The following SLC39A7 variants were observed in gnomAD, a reference collection of about 807,000 sequenced individuals.
The protein encoded by SLC39A7 is zinc transporter SLC39A7.
A neutral mutation model predicts 39.7 loss-of-function variants in SLC39A7; 25 were observed. The ratio of observed to expected loss-of-function variants is 0.63; its 90% CI spans 0.46 to 0.88. The LOEUF (loss-of-function observed/expected upper bound fraction) is 0.88, where lower values mean the gene tolerates loss of function less well. SLC39A7 is among the 40% of genes least tolerant of loss of function. The pLI, the probability that SLC39A7 is intolerant of heterozygous loss-of-function variation, is 0.00. For synonymous variants in SLC39A7, 181 were observed against 234.1 expected (o/e 0.77, Z 2.07); for missense variants, 501 against 592.1 (o/e 0.85, Z 1.60).
Position 33,202,100 on chromosome 6 carries a change from A to T in SLC39A7, c.609A>T (p.Gln203His). 2 of 1,612,826 alleles carry T rather than the reference A, an allele frequency of 1.2e-6. No individual in the cohort carries two copies. Among genetic ancestry groups the T allele is most frequent in the Non-Finnish European group, 1.7e-6 (2 of 1,179,976 alleles). The change falls in exon 3 of 7, where the codon CAA becomes CAT. Residue 203 changes from glutamine to histidine, a missense_variant. Gln to His is a conservative substitution (Grantham distance 24). Coordinates refer to ENST00000374677, the MANE Select transcript of SLC39A7 (RefSeq NM_006979.3). ...LEPHSHHTLE[Q>H]PGHGHSHSGQ... ...CTCATTCTCACCACACTCTGGAGCA[A>T]CCCGGACATGGACACTCCCACAGTG...
Position 33,202,407 on chromosome 6 carries a change from G to A in SLC39A7, c.779G>A (p.Ser260Asn). Residue 260 changes from serine (S) to asparagine (N), a missense_variant, in exon 4 of 7, where the codon AGT (serine) becomes AAT (asparagine). Coordinates refer to ENST00000374677, the MANE Select transcript of SLC39A7 (RefSeq NM_006979.3). ...CACGCTCACAGTCATACACGTGGAA[G>A]TCATGGACATGGAAGACAAGGTGAG... ...HGHAHSHTRG[S>N]HGHGRQERST... 1.2e-6 allele frequency: 2 copies of A among 1,612,820 alleles called. No individual in the cohort carries two copies. Among genetic ancestry groups the A allele is most frequent in the Non-Finnish European group, 1.7e-6 (2 of 1,179,906 alleles).
intron 5 of SLC39A7, 79 bp from the exon 6 acceptor site, chr6:33,202,831 G>A: frequency 1.3e-6 from 2 of 1,562,910 alleles, no homozygotes; most frequent in East Asian, 2.2e-5. Context: ...TCTGAGGGGA[G>A]GTGTGAGAAT....
In SLC39A7 at chr6:33,201,467, A is replaced by G. The variant is rs1487213798; in HGVS notation, c.222A>G (p.Gly74=). Residue 74 remains glycine, a synonymous_variant, in exon 1 of 7, where the codon GGA becomes GGG. Coordinates refer to ENST00000374677, the MANE Select transcript of SLC39A7 (RefSeq NM_006979.3). The surrounding 1 kb of genome is among the most constrained non-coding windows in gnomAD (Gnocchi z 5.9). ...ACACTCACGAGAGCATCTGGCATGG[A>G]CATACCCACGATCACGACCATGGAC... ...HGHTHESIWH[G]HTHDHDHGHS... 3.1e-6 allele frequency: 5 copies of G among 1,614,094 alleles called. No homozygotes were observed. In the South Asian group the frequency reaches 4.4e-5, roughly 14 times the overall value.
chr6:33,204,031 T>C lies in SLC39A7; in HGVS notation c.*218T>C, dbSNP rs904746834. ...AGAGGGACCATAGTGTTGGGCACTG[T>C]CTGACCATGTTGCATTTGGAAGGCT... On this transcript the variant is annotated 3_prime_UTR_variant, in exon 7 of 7. Coordinates refer to ENST00000374677, the MANE Select transcript of SLC39A7 (RefSeq NM_006979.3). The C allele has an allele frequency of 1.7e-6, 1 of 604,690 alleles. No individual in the cohort carries two copies. Among genetic ancestry groups the C allele is most frequent in the African/African-American group, 1.9e-5 (1 of 53,948 alleles). The allele number at this position is 604,690 out of a possible 1,614,324, so 37.5% of individuals were successfully genotyped here.
In SLC39A7 at chr6:33,200,900, C is replaced by T. The variant is rs762034100; in HGVS notation, c.-346C>T. 18 of 1,280,712 alleles carry T rather than the reference C, an allele frequency of 1.4e-5. No individual in the cohort carries two copies. The highest frequency in any genetic ancestry group is 1.1e-4 in the South Asian group (9 of 78,334). 79.3% of individuals were successfully genotyped at this position (1,280,712 alleles called of 1,614,324 possible). A position where few individuals can be genotyped will look rare whatever the true frequency, so the allele number is the denominator to read the frequency against. On this transcript the variant is annotated 5_prime_UTR_variant, in exon 1 of 7. The change creates a new upstream start codon in the 5' untranslated region. Coordinates refer to ENST00000374677, the MANE Select transcript of SLC39A7 (RefSeq NM_006979.3). This position sits in a 1 kb window ranked among gnomAD's most constrained non-coding sequence, Gnocchi z 6.3. ...GCGGGATCTAAAGGCGGGACTGCCA[C>T]GTCCAAGCAAACCGGGAAAGGAGAG... is the stretch of plus-strand genomic sequence containing the variant.
intron 4 of SLC39A7, 23 bp from the exon 5 acceptor site, chr6:33,202,537 G>A: frequency 6.3e-7 from 1 of 1,593,764 alleles, no homozygotes; most frequent in Non-Finnish European, 8.5e-7. Flanking sequence ...TCTCCACTCT[G>A]ACCAACTCTT....
intron 6 of SLC39A7, 56 bp downstream of exon 6, chr6:33,203,162 C>A: frequency 2.1e-6 from 3 of 1,424,248 alleles, no homozygotes; most frequent in Non-Finnish European, 2.9e-6. Flanking sequence ...TCCTCACTCA[C>A]CCTAAACCCA....
chr6:33,204,318 A>C lies in SLC39A7; in HGVS notation c.*505A>C. 1 of 515,672 alleles carries C rather than the reference A, an allele frequency of 1.9e-6. No homozygotes were observed. The allele number at this position is 515,672 out of a possible 1,614,324, so 31.9% of individuals were successfully genotyped here. On this transcript the variant is annotated 3_prime_UTR_variant, in exon 7 of 7. Transcript: ENST00000374677. ...AGTGATTGGGGGGATGGGGTGGGAG[A>C]GGGTTAGTTGGTATTCTCATGGCCT...
Position 33,202,069 on chromosome 6 carries a change from C to G in SLC39A7, c.581-3C>G. On this transcript the variant is annotated splice_polypyrimidine_tract_variant and splice_region_variant and intron_variant, in intron 2 of 6. Coordinates refer to ENST00000374677, the MANE Select transcript of SLC39A7 (RefSeq NM_006979.3). The stretch of plus-strand genomic sequence containing the variant: ...CTCATCTGGTTTTCCCCCCTTCTTC[C>G]AGAACCTCATTCTCACCACACTCTG... 6.2e-7 allele frequency: 1 copy of G among 1,612,914 alleles called. No individual in the cohort carries two copies.
chr6:33,201,852 C>T lies in SLC39A7; in HGVS notation c.519C>T (p.Leu173=). The T allele has an allele frequency of 6.2e-7, 1 of 1,613,068 alleles. No individual in the cohort carries two copies. The highest frequency in any genetic ancestry group is 8.5e-7 in the Non-Finnish European group (1 of 1,179,976). The part of the protein sequence containing the change: ...PRHRSLLQIL[L]SFASGGLLGD... ...ATCGCTCTCTACTTCAGATCTTGCTCAGTTTTGCTTCCGGTGGGCTCCTGG... is the reference window on the plus strand; with the variant it reads ...ATCGCTCTCTACTTCAGATCTTGCTTAGTTTTGCTTCCGGTGGGCTCCTGG... The change falls in exon 2 of 7, where the codon CTC becomes CTT. Residue 173 remains leucine (L), a synonymous_variant. Coordinates refer to ENST00000374677, the MANE Select transcript of SLC39A7 (RefSeq NM_006979.3). This position sits in a 1 kb window ranked among gnomAD's most constrained non-coding sequence, Gnocchi z 5.9.
Position 33,201,334 on chromosome 6 carries a change from G to T in SLC39A7, c.89G>T (p.Gly30Val). ...TLGLLVAGLG[G>V]HDDLHDDLQE... ...GGGCTTCTGGTGGCTGGACTCGGGG[G>T]TCATGACGACCTGCACGACGATCTG... Residue 30 changes from glycine to valine, a missense_variant, in exon 1 of 7, where the codon GGT becomes GTT. Transcript: ENST00000374677. The surrounding 1 kb of genome is among the most constrained non-coding windows in gnomAD (Gnocchi z 5.9). The T allele has an allele frequency of 1.2e-6, 2 of 1,614,142 alleles. No individual in the cohort carries two copies. The highest frequency in any genetic ancestry group is 8.5e-7 in the Non-Finnish European group (1 of 1,180,018).
Position 33,204,373 on chromosome 6 carries a change from C to A in SLC39A7, c.*560C>A, listed in dbSNP as rs1270427397. 1 of 585,008 alleles carries A rather than the reference C, an allele frequency of 1.7e-6. No individual in the cohort carries two copies. The highest frequency in any genetic ancestry group is 3.1e-6 in the Non-Finnish European group (1 of 327,154). 36.2% of individuals were successfully genotyped at this position (585,008 alleles called of 1,614,324 possible). A position where few individuals can be genotyped will look rare whatever the true frequency, so the allele number is the denominator to read the frequency against. On this transcript the variant is annotated 3_prime_UTR_variant, in exon 7 of 7. Coordinates refer to ENST00000374677, the MANE Select transcript of SLC39A7 (RefSeq NM_006979.3). ...TTTTTTGTTTCTATTCCTTTTATAT[C>A]ACTGTGTTTGAATCGAGGGGGAGGG... is the stretch of plus-strand genomic sequence containing the variant.
chr6:33,201,477 G>C lies in SLC39A7; in HGVS notation c.232G>C (p.Asp78His). The C allele has an allele frequency of 6.2e-7, 1 of 1,614,112 alleles. No individual in the cohort carries two copies. The highest frequency in any genetic ancestry group is 8.5e-7 in the Non-Finnish European group (1 of 1,180,000). The change falls in exon 1 of 7, where the codon GAT becomes CAT. Residue 78 changes from aspartate (D) to histidine (H), a missense_variant. Physicochemically the swap from Asp to His is moderately conservative, Grantham distance 81. Transcript: ENST00000374677. This position sits in a 1 kb window ranked among gnomAD's most constrained non-coding sequence, Gnocchi z 5.9. ...GAGCATCTGGCATGGACATACCCACGATCACGACCATGGACATTCACATGA... is the reference window on the plus strand; with the variant it reads ...GAGCATCTGGCATGGACATACCCACCATCACGACCATGGACATTCACATGA... Reference protein sequence around the residue: ...HESIWHGHTHDHDHGHSHEDL... With the variant: ...HESIWHGHTHHHDHGHSHEDL...
At position 33,201,051 on chromosome 6, in the gene SLC39A7, TC is replaced by T; in HGVS notation, c.-192del. 1 of 754,340 alleles carries T rather than the reference TC, an allele frequency of 1.3e-6. No individual in the cohort carries two copies. The highest frequency in any genetic ancestry group is 2.3e-6 in the Non-Finnish European group (1 of 430,766). The allele number at this position is 754,340 out of a possible 1,614,324, so 46.7% of individuals were successfully genotyped here. On this transcript the variant is annotated 5_prime_UTR_variant, in exon 1 of 7. Transcript: ENST00000374677. This position sits in a 1 kb window ranked among gnomAD's most constrained non-coding sequence, Gnocchi z 5.9. ...TAAAGTGGCTGGTGAAAGATTAGTG[TC>T]CCAGGGCCCTACATCCGGGAGGTGG...
In SLC39A7 at chr6:33,203,703, T is replaced by A; in HGVS notation, c.1300T>A (p.Ser434Thr). 1 of 1,614,166 alleles carries A rather than the reference T, an allele frequency of 6.2e-7. No individual in the cohort carries two copies. Among genetic ancestry groups the A allele is most frequent in the Non-Finnish European group, 8.5e-7 (1 of 1,179,996 alleles). The part of the protein sequence containing the change: ...AGGFIYVATV[S>T]VLPELLREAS... ...TGGCTTTATCTACGTAGCAACAGTG[T>A]CTGTGTTGCCCGAGCTGCTGAGGGA... Residue 434 changes from serine (S) to threonine (T), a missense_variant, in exon 7 of 7, where the codon TCT (serine) becomes ACT (threonine). Ser to Thr is a moderately conservative substitution (Grantham distance 58). Coordinates refer to ENST00000374677, the MANE Select transcript of SLC39A7 (RefSeq NM_006979.3).
At chr6:33,202,050 T>C (rs752646178) in intron 2 of SLC39A7, 22 bp from the exon 3 acceptor site, 85 of 1,612,100 alleles carry the variant, frequency 5.3e-5, no homozygotes, top group Non-Finnish European at 7.0e-5. Context: ...TTCCCTCATC[T>C]GGTTTTCCCC....
At position 33,202,665 on chromosome 6, in the gene SLC39A7, G is replaced by T; in HGVS notation, c.905G>T (p.Arg302Ile). 6.2e-7 allele frequency: 1 copy of T among 1,607,454 alleles called. No individual in the cohort carries two copies. The highest frequency in any genetic ancestry group is 8.5e-7 in the Non-Finnish European group (1 of 1,178,592). Residue 302 changes from arginine to isoleucine, a missense_variant, in exon 5 of 7, where the codon AGA becomes ATA. Coordinates refer to ENST00000374677, the MANE Select transcript of SLC39A7 (RefSeq NM_006979.3). ...GSTVPKDGPV[R>I]PQNAEEEKRG... ...ACAGTACCCAAAGATGGGCCAGTGAGACCTCAGAACGCTGAAGAAGAAAAA... is the reference window on the plus strand; with the variant it reads ...ACAGTACCCAAAGATGGGCCAGTGATACCTCAGAACGCTGAAGAAGAAAAA...
chr6:33,204,364 C>A lies in SLC39A7; in HGVS notation c.*551C>A, dbSNP rs1008954258. ...GGCCTGATTTTTTTTGTTTCTATTC[C>A]TTTTATATCACTGTGTTTGAATCGA... On this transcript the variant is annotated 3_prime_UTR_variant, in exon 7 of 7. Transcript: ENST00000374677. 4.2e-5 allele frequency: 24 copies of A among 575,688 alleles called. No homozygotes were observed. Among genetic ancestry groups the A allele is most frequent in the Non-Finnish European group, 6.5e-5 (21 of 321,578 alleles). The allele number at this position is 575,688 out of a possible 1,614,324, so 35.7% of individuals were successfully genotyped here.
At position 33,203,693 on chromosome 6, in the gene SLC39A7, A is replaced by G; in HGVS notation, c.1290A>G (p.Val430=). 1 of 1,614,228 alleles carries G rather than the reference A, an allele frequency of 6.2e-7. No homozygotes were observed. The highest frequency in any genetic ancestry group is 8.5e-7 in the Non-Finnish European group (1 of 1,180,046). ...TTACTGCAGGTGGCTTTATCTACGT[A>G]GCAACAGTGTCTGTGTTGCCCGAGC... ...LPFTAGGFIY[V]ATVSVLPELL... The change falls in exon 7 of 7, where the codon GTA becomes GTG. Residue 430 remains valine, a synonymous_variant. Transcript: ENST00000374677.
Sources: allele counts gnomAD v4.1 joint callset, GRCh38; gene constraint gnomAD v4.1.1; non-coding constraint Gnocchi (gnomAD v3.1); transcripts MANE v1.5; gene names NCBI Gene and HGNC (gene_info 2026-07-23, HGNC 2026-07-21).